The following SH3D19 variants were observed in gnomAD, a reference collection of about 807,000 sequenced individuals.
SH3D19 encodes the protein SH3 domain-containing protein 19.
A neutral mutation model predicts 112.1 loss-of-function variants in SH3D19; 58 were observed. The ratio of observed to expected loss-of-function variants is 0.52; its 90% confidence interval spans 0.42 to 0.64. The LOEUF is 0.64. SH3D19 is among the 30% of genes least tolerant of loss of function. The pLI is 0.00. For synonymous variants in SH3D19, 391 were observed against 448.5 expected, an observed-to-expected ratio of 0.87 and a Z score of 1.62; for missense variants, 1,090 against 1,263.4, an observed-to-expected ratio of 0.86 and a Z score of 2.08.
rs1015697738 is a variant in SH3D19 at position 151,176,954 on chromosome 4, G to C, written c.238C>G (p.Arg80Gly). The change falls in exon 5 of 20, where the codon CGC (arginine) becomes GGC (glycine). Residue 80 changes from arginine (R) to glycine (G), a missense_variant and splice_region_variant. Coordinates refer to ENST00000604030, the MANE Select transcript of SH3D19 (RefSeq NM_001378122.1). ...GCTGCCACAATGGTGATCTCTGGGC[G>C]CCTAGTGGACAGAAGCCTCAGTGAG... is the stretch of plus-strand genomic sequence containing the variant. ...IQSELHRDRR[R>G]PEITIVAAEP... The C allele has an allele frequency of 8.1e-7, 1 of 1,232,148 alleles. No individual in the cohort carries two copies. Among genetic ancestry groups the C allele is most frequent in the Non-Finnish European group, 1.0e-6 (1 of 987,948 alleles). The allele number at this position is 1,232,148 out of a possible 1,614,324, so 76.3% of individuals were successfully genotyped here. A position where few individuals can be genotyped will look rare whatever the true frequency, so the allele number is the denominator to read the frequency against.
chr4:151,269,175 A>G (rs1191360451), intron 1 of SH3D19, among the ~76,000 whole-genome samples: 10 of 152,114 alleles, frequency 6.6e-5, no homozygotes, highest in Non-Finnish European at 1.2e-4. Context: ...TTTGATTTGC[A>G]TTTCTCTGAT....
chr4:151,322,133 T>C (rs1730594815), intron 1 of SH3D19, among the ~76,000 whole-genome samples: 1 of 152,158 alleles, frequency 6.6e-6, no homozygotes, highest in Non-Finnish European at 1.5e-5. Context: ...ATTAATCTCA[T>C]GCATCATGAG....
At chr4:151,124,816 CA>C (rs1347810895) in intron 19 of SH3D19, among the ~76,000 whole-genome samples, 3 of 151,956 alleles carry the variant, frequency 2.0e-5, no homozygotes, top group East Asian at 1.9e-4. Context: ...ACAATAACAA[CA>C]ACAATTCTAA....
chr4:151,130,918 C>T (rs1431440707), intron 17 of SH3D19, among the ~76,000 whole-genome samples: 2 of 147,250 alleles, frequency 1.4e-5, no homozygotes, highest in African/African-American at 2.5e-5. Context: ...CCAGCCTGGG[C>T]GACGGAGTAA....
chr4:151,132,039 G>A (rs956762912), intron 17 of SH3D19, among the ~76,000 whole-genome samples: 2 of 151,566 alleles, frequency 1.3e-5, no homozygotes, highest in Non-Finnish European at 2.9e-5. Context: ...GGCCAGGCTG[G>A]TCTCGAACTC....
intron 13 of SH3D19, among the ~76,000 whole-genome samples, chr4:151,139,113 C>T (rs916647972): frequency 6.6e-6 from 1 of 152,034 alleles, no homozygotes; most frequent in African/African-American, 2.4e-5. Flanking sequence ...GTGTAAGCCA[C>T]TGTGCCCAGC....
chr4:151,156,021 C>T (rs1212097113), intron 9 of SH3D19, among the ~76,000 whole-genome samples: 2 of 152,032 alleles, frequency 1.3e-5, no homozygotes. Flanking sequence ...CATTTCTATA[C>T]ATGACAAAGA....
At chr4:151,218,657 A>G (rs1320995214) in intron 2 of SH3D19, among the ~76,000 whole-genome samples, 1 of 152,214 alleles carries the variant, frequency 6.6e-6, no homozygotes, top group East Asian at 1.9e-4. Flanking sequence ...GTCAAGATAC[A>G]CTTGAAGCTC....
At chr4:151,285,936 T>C (rs1774712258) in intron 1 of SH3D19, among the ~76,000 whole-genome samples, 1 of 151,490 alleles carries the variant, frequency 6.6e-6, no homozygotes, top group South Asian at 2.1e-4. Flanking sequence ...GGCACATACC[T>C]GTAATCGCAG....
At chr4:151,267,292 G>T (rs1017714708) in intron 1 of SH3D19, among the ~76,000 whole-genome samples, 1 of 151,802 alleles carries the variant, frequency 6.6e-6, no homozygotes. Context: ...CTGTGATTGC[G>T]CCACTACACT....
intron 1 of SH3D19, among the ~76,000 whole-genome samples, chr4:151,258,050 C>A (rs1435546464): frequency 6.6e-6 from 1 of 152,146 alleles, no homozygotes; most frequent in Admixed American, 6.5e-5. Context: ...CCTTGTCCCC[C>A]TTTTCAAATG....
chr4:151,202,322 A>G (rs1764520387), intron 2 of SH3D19, among the ~76,000 whole-genome samples: 1 of 152,176 alleles, frequency 6.6e-6, no homozygotes. Context: ...GCGACAGAGC[A>G]AGACTCCGTC....
At chr4:151,216,935 T>G (rs1232056447) in intron 2 of SH3D19, among the ~76,000 whole-genome samples, 2 of 147,664 alleles carry the variant, frequency 1.4e-5, no homozygotes, top group East Asian at 3.9e-4. Flanking sequence ...GTATTCTCTG[T>G]AGGATGACAA....
intron 1 of SH3D19, among the ~76,000 whole-genome samples, chr4:151,273,035 C>T (rs1330206381): frequency 6.6e-6 from 1 of 152,122 alleles, no homozygotes; most frequent in Non-Finnish European, 1.5e-5. Context: ...TATTTTGATA[C>T]TCTGAATTAC....
intron 1 of SH3D19, chr4:151,291,420 G>A: frequency 6.2e-7 from 1 of 1,613,322 alleles, no homozygotes; most frequent in Non-Finnish European, 8.5e-7. Context: ...GCTGGGAAGA[G>A]AATGCATGGA....
intron 11 of SH3D19, 51 bp downstream of exon 11, chr4:151,147,871 T>C (rs929158715): frequency 6.5e-7 from 1 of 1,533,990 alleles, no homozygotes; most frequent in Non-Finnish European, 8.7e-7. Context: ...ATCGTATATA[T>C]ACTTTAGGGC....
intron 1 of SH3D19, chr4:151,282,967 C>A: frequency 9.7e-6 from 6 of 616,754 alleles, no homozygotes; most frequent in Middle Eastern, 4.7e-4. Context: ...TTAAGTGTAC[C>A]AAAAGATCCA....
intron 19 of SH3D19, among the ~76,000 whole-genome samples, chr4:151,125,752 T>C (rs1749125342): frequency 2.1e-5 from 3 of 145,596 alleles, no homozygotes; most frequent in African/African-American, 7.7e-5. Flanking sequence ...CTTGGGAGGC[T>C]GAGGCAGAAG....
At chr4:151,161,636 A>ATTT (rs201970887) in intron 8 of SH3D19, among the ~76,000 whole-genome samples, 343 of 146,278 alleles carry the variant, frequency 2.3e-3, no homozygotes, top group Non-Finnish European at 3.7e-3. Flanking sequence ...ATATATATAT[A>ATTT]TATATTTTAA....
Sources: allele counts gnomAD v4.1 joint callset (sites outside exome capture counted in the v4.1 genomes callset), GRCh38; gene constraint gnomAD v4.1.1; transcripts MANE v1.5; gene names NCBI Gene and HGNC (gene_info 2026-07-23, HGNC 2026-07-21).